FNIP2: variants seen among roughly 807,000 people sequenced by gnomAD.
FNIP2 encodes folliculin-interacting protein 2.
FNIP2 carries 32 observed loss-of-function variants against 108.7 expected under a neutral mutation model. That is an observed-to-expected ratio of 0.29 (90% confidence interval 0.22 to 0.40). The LOEUF is 0.40. Among genes scored for constraint, FNIP2 ranks in the 10% least tolerant of loss-of-function variants. The pLI is 1.00. For missense variants in FNIP2, 1,202 were observed against 1,381.6 expected, an observed-to-expected ratio of 0.87 and a Z score of 2.06; for synonymous variants, 480 against 496.7, an observed-to-expected ratio of 0.97 and a Z score of 0.45.
chr4:158,875,021 A>G (rs1479510510), intron 14 of FNIP2, among the ~76,000 whole-genome samples: 1 of 151,274 alleles, frequency 6.6e-6, no homozygotes, highest in Non-Finnish European at 1.5e-5. Flanking sequence ...CGGGAGGCAG[A>G]GAGGTTGCAG....
At chr4:158,805,595 A>G (rs1473347072) in intron 1 of FNIP2, among the ~76,000 whole-genome samples, 1 of 152,168 alleles carries the variant, frequency 6.6e-6, no homozygotes, top group Non-Finnish European at 1.5e-5. Context: ...TGTCATCTAT[A>G]CATTAAGTCC....
chr4:158,861,173 G>A (rs796276530), intron 10 of FNIP2, among the ~76,000 whole-genome samples, 169 bp from the exon 11 acceptor site: 2 of 152,384 alleles, frequency 1.3e-5, no homozygotes, highest in African/African-American at 4.8e-5. Context: ...AAAGGTGGCA[G>A]TCAGATTTGG....
rs759544584 is a variant in FNIP2, at chr4:158,906,079, GATCTTT to G, written c.*1539_*1544del. 11 of 152,282 alleles carry G rather than the reference GATCTTT, an allele frequency of 7.2e-5. No homozygotes were observed. In the South Asian group the frequency reaches 8.3e-4, roughly 11 times the overall value. 9.4% of individuals were successfully genotyped at this position (152,282 alleles called of 1,614,324 possible). On this transcript the variant is annotated 3_prime_UTR_variant, in exon 17 of 17. Coordinates refer to ENST00000264433, the MANE Select transcript of FNIP2 (RefSeq NM_020840.3). ...TAGATGAGTGCATTAAGTTTTGTAA[GATCTTT>G]ATCATTTTATGTCATTCATTGAAAA...
intron 1 of FNIP2, among the ~76,000 whole-genome samples, chr4:158,819,261 A>C (rs1777746533): frequency 6.6e-6 from 1 of 152,228 alleles, no homozygotes; most frequent in Non-Finnish European, 1.5e-5. Flanking sequence ...CTTTCATTCC[A>C]CATTTTCCTT....
At chr4:158,864,775 C>T (rs1780487335) in intron 12 of FNIP2, among the ~76,000 whole-genome samples, 1 of 152,118 alleles carries the variant, frequency 6.6e-6, no homozygotes, top group Non-Finnish European at 1.5e-5. Context: ...TTCTTTTTCT[C>T]TACATGTTTT....
Position 158,829,182 on chromosome 4 carries a change from G to A in FNIP2, c.338G>A (p.Gly113Glu). The A allele has an allele frequency of 1.9e-6, 3 of 1,612,624 alleles. No homozygotes were observed. The highest frequency in any genetic ancestry group is 2.5e-6 in the Non-Finnish European group (3 of 1,179,292). ...SSSISSHSSSGGSSHHAKEQL... is the reference protein window; with the variant it reads ...SSSISSHSSSEGSSHHAKEQL... ...AGCATCTCTTCCCACAGTTCTTCTG[G>A]GGGATCTTCACATCATGCTAAGGAA... Residue 113 changes from glycine to glutamate, a missense_variant, in exon 3 of 17, where the codon GGG (glycine) becomes GAG (glutamate). Transcript: ENST00000264433.
chr4:158,789,455 G>A (rs542257024), intron 1 of FNIP2, among the ~76,000 whole-genome samples: 5 of 152,158 alleles, frequency 3.3e-5, no homozygotes, highest in Admixed American at 6.5e-5. Context: ...GGTTTTTATA[G>A]GATGGCCAGG....
intron 1 of FNIP2, among the ~76,000 whole-genome samples, chr4:158,784,688 G>A (rs11933662): frequency 0.35 from 53,837 of 151,854 alleles, 9,950 homozygotes; most frequent in Middle Eastern, 0.44. Context: ...AATAGGGTTC[G>A]CACTACTATG....
chr4:158,849,125 T>C (rs1030950666), intron 7 of FNIP2, among the ~76,000 whole-genome samples: 1 of 152,214 alleles, frequency 6.6e-6, no homozygotes, highest in African/African-American at 2.4e-5. Flanking sequence ...TCAGATAAAG[T>C]AGGCCTAAGA....
chr4:158,787,559 T>G (rs1358698762), intron 1 of FNIP2, among the ~76,000 whole-genome samples: 2 of 152,214 alleles, frequency 1.3e-5, no homozygotes, highest in African/African-American at 4.8e-5. Flanking sequence ...GACGCAGACC[T>G]TTTGATTCCT....
chr4:158,831,474 C>T (rs1230189349), intron 3 of FNIP2, among the ~76,000 whole-genome samples: 2 of 152,060 alleles, frequency 1.3e-5, no homozygotes, highest in Non-Finnish European at 2.9e-5. Flanking sequence ...TGAATAATAC[C>T]GAACCATATT....
Position 158,821,829 on chromosome 4 carries a change from G to GTACTAATACTAAAA in FNIP2, c.108-4086_108-4085insACTAATACTAAAAT, listed in dbSNP as rs1777897195. ...TTCCTCTACTAATACTAAAATGTCA[G>GTACTAATACTAAAA]TGTCTCACCGCACTTTGGGAGGCTG... is the stretch of plus-strand genomic sequence containing the variant. On this transcript the variant is annotated intron_variant, in intron 1 of 16. Coordinates refer to ENST00000264433, the MANE Select transcript of FNIP2 (RefSeq NM_020840.3). 2.6e-5 allele frequency among the ~76,000 whole-genome samples: 4 copies of GTACTAATACTAAAA among 152,222 alleles called. No individual in the cohort carries two copies. In the East Asian group the frequency reaches 7.7e-4, roughly 29 times the overall value.
At chr4:158,823,394 T>C (rs1201508641) in intron 1 of FNIP2, among the ~76,000 whole-genome samples, 1 of 152,084 alleles carries the variant, frequency 6.6e-6, no homozygotes, top group Non-Finnish European at 1.5e-5. Context: ...GCCTCCTGAG[T>C]AGCTAGGATT....
chr4:158,785,087 CTT>C (rs397805773), intron 1 of FNIP2, among the ~76,000 whole-genome samples: 20 of 123,146 alleles, frequency 1.6e-4, no homozygotes, highest in Admixed American at 2.6e-4. Flanking sequence ...TAAAGTTCCT[CTT>C]TTTTTTTTTT....
chr4:158,807,425 C>A (rs1390167989), intron 1 of FNIP2, among the ~76,000 whole-genome samples: 1 of 152,082 alleles, frequency 6.6e-6, no homozygotes, highest in South Asian at 2.1e-4. Context: ...ATCGCTTGAG[C>A]CCAGGAGTTG....
At chr4:158,829,548 T>C (rs769300883) in intron 3 of FNIP2, among the ~76,000 whole-genome samples, 6 of 152,206 alleles carry the variant, frequency 3.9e-5, no homozygotes, top group Non-Finnish European at 7.3e-5. Context: ...AGTTTTGTTA[T>C]AAGAATTCCT....
chr4:158,844,564 C>T (rs1779297040), intron 7 of FNIP2, among the ~76,000 whole-genome samples: 1 of 152,140 alleles, frequency 6.6e-6, no homozygotes, highest in South Asian at 2.1e-4. Context: ...TAGTAGTTAC[C>T]ACTGTCTGAA....
At chr4:158,803,610 A>G (rs180764250) in intron 1 of FNIP2, among the ~76,000 whole-genome samples, 2 of 152,218 alleles carry the variant, frequency 1.3e-5, no homozygotes, top group Non-Finnish European at 2.9e-5. Flanking sequence ...TTAACATATA[A>G]TAGTTGTGGT....
chr4:158,807,959 T>C (rs756092354), intron 1 of FNIP2, among the ~76,000 whole-genome samples: 2 of 152,166 alleles, frequency 1.3e-5, no homozygotes, highest in Admixed American at 1.3e-4. Flanking sequence ...CTGTTTCTTA[T>C]CAAGAAAGGG....
Sources: allele counts gnomAD v4.1 joint callset (sites outside exome capture counted in the v4.1 genomes callset), GRCh38; gene constraint gnomAD v4.1.1; transcripts MANE v1.5; gene names NCBI Gene and HGNC (gene_info 2026-07-23, HGNC 2026-07-21).